Variants in PYY observed in about 807,000 individuals in gnomAD.
PYY encodes peptide YY, also known as peptide tyrosine tyrosine.
Under a neutral mutation model 10.3 loss-of-function variants are expected in PYY, and 12 were observed. That is an observed-to-expected ratio of 1.17 (90% confidence interval 0.75 to 1.89). The LOEUF (loss-of-function observed/expected upper bound fraction) is 1.89. PYY is among the 40% of genes most tolerant of loss of function. The pLI, the probability that PYY is intolerant of heterozygous loss-of-function variation, is 0.00. For missense variants in PYY, 141 were observed against 134.0 expected, an observed-to-expected ratio of 1.05 and a Z score of -0.26; for synonymous variants, 66 against 62.0, an observed-to-expected ratio of 1.06 and a Z score of -0.30.
intron 1 of PYY, 70 bp from the exon 2 acceptor site, chr17:43,953,553 C>A: frequency 7.2e-7 from 1 of 1,393,582 alleles, no homozygotes; most frequent in Non-Finnish European, 9.6e-7. Flanking sequence ...CTGCGGCTGC[C>A]GTCGGGGCCG....
intron 1 of PYY, among the ~76,000 whole-genome samples, chr17:43,997,445 C>G (rs1256652582): frequency 6.6e-6 from 1 of 152,132 alleles, no homozygotes; most frequent in South Asian, 2.1e-4. Flanking sequence ...CAGCCAGTGC[C>G]AAGGCAAAAG....
intron 1 of PYY, among the ~76,000 whole-genome samples, chr17:43,992,368 G>A (rs1006663936): frequency 6.6e-6 from 1 of 152,044 alleles, no homozygotes; most frequent in South Asian, 2.1e-4. Flanking sequence ...ATCACTTAAG[G>A]TCAGGAGCTC....
At chr17:43,959,021 G>A (rs933613661) in intron 2 of PYY, among the ~76,000 whole-genome samples, 8 of 152,210 alleles carry the variant, frequency 5.3e-5, no homozygotes, top group African/African-American at 1.9e-4. Context: ...CTAGAAGTGT[G>A]CTACATCAGA....
At chr17:43,958,963 G>A (rs982502847) in intron 2 of PYY, among the ~76,000 whole-genome samples, 1 of 152,228 alleles carries the variant, frequency 6.6e-6, no homozygotes, top group Non-Finnish European at 1.5e-5. Context: ...TTGCTGACAT[G>A]TTGAATTAGA....
chr17:43,979,638 G>A (rs554816722), intron 1 of PYY, among the ~76,000 whole-genome samples: 6 of 151,812 alleles, frequency 4.0e-5, no homozygotes, highest in East Asian at 3.9e-4. Context: ...TGATGGCACC[G>A]CTGCACTCCA....
intron 1 of PYY, among the ~76,000 whole-genome samples, chr17:43,990,393 C>A (rs919449238): frequency 6.8e-6 from 1 of 147,344 alleles, no homozygotes; most frequent in Non-Finnish European, 1.5e-5. Flanking sequence ...GAGCCGAGAT[C>A]GCACCATTGC....
intron 1 of PYY, among the ~76,000 whole-genome samples, chr17:43,976,495 C>T (rs1269771887): frequency 2.0e-5 from 3 of 151,544 alleles, no homozygotes; most frequent in Non-Finnish European, 4.4e-5. Context: ...ATGCCAGCCA[C>T]GTGTGGTGGC....
At chr17:43,978,561 C>G (rs955378029) in intron 1 of PYY, among the ~76,000 whole-genome samples, 1 of 152,070 alleles carries the variant, frequency 6.6e-6, no homozygotes. Flanking sequence ...TATTTAAAGA[C>G]CCCCCTTGCC....
At chr17:43,990,258 T>G (rs1030276737) in intron 1 of PYY, among the ~76,000 whole-genome samples, 1 of 151,412 alleles carries the variant, frequency 6.6e-6, no homozygotes, top group Non-Finnish European at 1.5e-5. Flanking sequence ...GCCAACATGG[T>G]GAAACCCTGT....
chr17:43,963,212 G>A (rs895078630), intron 2 of PYY, among the ~76,000 whole-genome samples: 18 of 152,202 alleles, frequency 1.2e-4, no homozygotes, highest in African/African-American at 4.1e-4. Flanking sequence ...ACTATTATGA[G>A]AAAAATAGCC....
At position 43,953,711 on chromosome 17, in the gene PYY, G is replaced by T. The variant is rs1447436914; in HGVS notation, c.-1+139C>A. The T allele has an allele frequency of 9.8e-6, 3 of 306,474 alleles. No homozygotes were observed. The African/African-American group carries it at 1.3e-4, about 13-fold the overall frequency. 19.0% of individuals were successfully genotyped at this position (306,474 alleles called of 1,614,324 possible). A position where few individuals can be genotyped will look rare whatever the true frequency, so the allele number is the denominator to read the frequency against. On this transcript the variant is annotated intron_variant, in intron 1 of 3. Coordinates refer to ENST00000692052, the MANE Select transcript of PYY (RefSeq NM_001394028.1). The stretch of plus-strand genomic sequence containing the variant: ...TGCCTGCCTCCCCACCCCCACCCCC[G>T]CTGCTGGCCTCCTTCCCACCTCCGA...
intron 1 of PYY, among the ~76,000 whole-genome samples, chr17:43,967,647 G>A (rs1222110080): frequency 6.6e-6 from 1 of 152,222 alleles, no homozygotes; most frequent in African/African-American, 2.4e-5. Flanking sequence ...TTAGGTTCCA[G>A]ATGAGATGGA....
At chr17:43,995,507 C>G (rs1456624161) in intron 1 of PYY, among the ~76,000 whole-genome samples, 2 of 152,052 alleles carry the variant, frequency 1.3e-5, no homozygotes, top group Non-Finnish European at 2.9e-5. Flanking sequence ...CCCACATGCC[C>G]TTCCACAAGG....
At chr17:44,003,517 T>C (rs2049045052) in intron 1 of PYY, among the ~76,000 whole-genome samples, 1 of 151,698 alleles carries the variant, frequency 6.6e-6, no homozygotes, top group African/African-American at 2.4e-5. Context: ...TAGCCGGGTG[T>C]GATGGTGTCT....
chr17:43,972,071 G>A (rs942562202), intron 1 of PYY, among the ~76,000 whole-genome samples: 3 of 151,820 alleles, frequency 2.0e-5, no homozygotes, highest in Non-Finnish European at 2.9e-5. Flanking sequence ...AATGTTTATT[G>A]TTCAGACACC....
intron 2 of PYY, among the ~76,000 whole-genome samples, chr17:43,960,666 G>A (rs550493042): frequency 1.3e-5 from 2 of 149,232 alleles, no homozygotes; most frequent in African/African-American, 4.9e-5. Flanking sequence ...TGGCCAACAT[G>A]GTGAAACCCC....
At chr17:43,992,507 T>C (rs981464797) in intron 1 of PYY, among the ~76,000 whole-genome samples, 1 of 151,890 alleles carries the variant, frequency 6.6e-6, no homozygotes, top group Admixed American at 6.6e-5. Flanking sequence ...GGGCAGGAGT[T>C]TGAGACCAGC....
chr17:43,954,824 A>G (rs1446523209), upstream of PYY, among the ~76,000 whole-genome samples: 4 of 152,218 alleles, frequency 2.6e-5, no homozygotes, highest in Non-Finnish European at 5.9e-5. Context: ...CTAAGCCCAG[A>G]TCCTTTGAAG....
chr17:43,959,045 G>A (rs1166886164), intron 2 of PYY, among the ~76,000 whole-genome samples: 2 of 152,164 alleles, frequency 1.3e-5, no homozygotes, highest in Admixed American at 6.6e-5. Flanking sequence ...CTTCACAAGT[G>A]TCTTTAAGTT....
Sources: allele counts gnomAD v4.1 joint callset (sites outside exome capture counted in the v4.1 genomes callset), GRCh38; gene constraint gnomAD v4.1.1; transcripts MANE v1.5; gene names NCBI Gene and HGNC (gene_info 2026-07-23, HGNC 2026-07-21).